The following STK10 variants were observed in gnomAD, a reference collection of about 807,000 sequenced individuals.
STK10 encodes serine/threonine-protein kinase 10.
A neutral mutation model predicts 113.8 loss-of-function variants in STK10; 78 were observed. The observed-to-expected ratio is 0.69, with a 90% CI of 0.57 to 0.83. STK10 has a LOEUF of 0.83. Among genes scored for constraint, STK10 ranks in the 40% least tolerant of loss-of-function variants. The pLI is 0.00. For synonymous variants in STK10, 465 were observed against 494.7 expected (o/e 0.94, Z 0.80); for missense variants, 1,109 against 1,280.1 (o/e 0.87, Z 2.04).
chr5:172,122,498 A>G (rs1769532236), intron 3 of STK10, among the ~76,000 whole-genome samples: 1 of 152,242 alleles, frequency 6.6e-6, no homozygotes, highest in South Asian at 2.1e-4. Flanking sequence ...ATTACACAGC[A>G]ATGCATGAAT....
intron 1 of STK10, among the ~76,000 whole-genome samples, chr5:172,167,652 C>CA (rs1770595342): frequency 6.6e-6 from 1 of 152,198 alleles, no homozygotes; most frequent in Admixed American, 6.5e-5. Context: ...ACATGAGCTG[C>CA]ACTGTCTGAT....
At chr5:172,140,189 C>T (rs1206642265) in intron 2 of STK10, among the ~76,000 whole-genome samples, 2 of 152,126 alleles carry the variant, frequency 1.3e-5, no homozygotes, top group African/African-American at 4.8e-5. Context: ...TAAAAAGATG[C>T]TCAACATCAC....
At position 172,098,936 on chromosome 5, in the gene STK10, TCAC is replaced by T. The variant is rs1302641036; in HGVS notation, c.871-2379_871-2377del. Among the ~76,000 whole-genome samples the T allele has an allele frequency of 1.7e-4, 26 of 149,848 alleles. No individual in the cohort carries two copies. The East Asian group carries it at 2.0e-3, about 11-fold the overall frequency. On this transcript the variant is annotated intron_variant, in intron 7 of 18. Transcript: ENST00000176763. ...ACCACCATCATTACCATTACCATCATCACCACCACCACCATCATCACCTTCACC... is the reference window on the plus strand; with the variant it reads ...ACCACCATCATTACCATTACCATCATCACCACCACCATCATCACCTTCACC...
rs1770338213 is a variant in STK10 at position 172,155,911 on chromosome 5, C to T, written c.321+713G>A. ...TCAGGAGGCTGAGGCAGGAGAATTGCTTGAAGCCGGGAGGCGGAGGGTGTA... is the reference window on the plus strand; with the variant it reads ...TCAGGAGGCTGAGGCAGGAGAATTGTTTGAAGCCGGGAGGCGGAGGGTGTA... On this transcript the variant is annotated intron_variant, in intron 2 of 18. Coordinates refer to ENST00000176763, the MANE Select transcript of STK10 (RefSeq NM_005990.4). 2.0e-5 allele frequency among the ~76,000 whole-genome samples: 3 copies of T among 151,996 alleles called. No homozygotes were observed. In the South Asian group the frequency reaches 6.2e-4, roughly 31 times the overall value.
chr5:172,045,468 T>C (rs1554114616), intron 18 of STK10: 2 of 453,930 alleles, frequency 4.4e-6, no homozygotes, highest in South Asian at 1.6e-5. Context: ...TGGGCGACGG[T>C]GCGAGACTCC....
At chr5:172,166,285 C>G (rs1275698507) in intron 1 of STK10, among the ~76,000 whole-genome samples, 1 of 152,168 alleles carries the variant, frequency 6.6e-6, no homozygotes, top group Non-Finnish European at 1.5e-5. Context: ...CTGTGGAACA[C>G]CTGGAGACAG....
intron 12 of STK10, among the ~76,000 whole-genome samples, chr5:172,081,330 G>A (rs1297270204): frequency 7.5e-6 from 1 of 132,576 alleles, no homozygotes; most frequent in African/African-American, 2.9e-5. Context: ...CAGCCTGGGT[G>A]ACAGACTGAG....
chr5:172,046,542 T>C (rs533272889), intron 18 of STK10, among the ~76,000 whole-genome samples: 3 of 152,166 alleles, frequency 2.0e-5, no homozygotes, highest in Non-Finnish European at 4.4e-5. Flanking sequence ...GTTTCACAAC[T>C]AGTAATGGAG....
intron 1 of STK10, among the ~76,000 whole-genome samples, chr5:172,164,353 T>C (rs1581187061): frequency 6.6e-6 from 1 of 151,928 alleles, no homozygotes; most frequent in Admixed American, 6.6e-5. Context: ...ATCCTGCCCC[T>C]AAGGGGGCCT....
At chr5:172,119,982 C>G (rs980191648) in intron 3 of STK10, among the ~76,000 whole-genome samples, 1 of 152,082 alleles carries the variant, frequency 6.6e-6, no homozygotes, top group Non-Finnish European at 1.5e-5. Context: ...CAGATAGGCA[C>G]CAAAGCAGAG....
Position 172,093,445 on chromosome 5 carries a change from C to G in STK10, c.1521G>C (p.Ser507=). 1 of 1,608,980 alleles carries G rather than the reference C, an allele frequency of 6.2e-7. No individual in the cohort carries two copies. The change falls in exon 9 of 19, where the codon TCG becomes TCC. Residue 507 remains serine, a synonymous_variant. Coordinates refer to ENST00000176763, the MANE Select transcript of STK10 (RefSeq NM_005990.4). The surrounding 1 kb of genome is among the most constrained non-coding windows in gnomAD (Gnocchi z 4.1). ...ACAGAGAGCCCATCTCTTTGTTCAG[C>G]GACAGGTCAGTGGAGAGATTGGTAC... The part of the protein sequence containing the change: ...DYGTNLSTDL[S]LNKEMGSLSI...
chr5:172,057,331 T>C lies in STK10; in HGVS notation c.2337+18A>G, dbSNP rs1248092115. On this transcript the variant is annotated intron_variant, in intron 15 of 18. Coordinates refer to ENST00000176763, the MANE Select transcript of STK10 (RefSeq NM_005990.4). ...GGCCCGGCAGCAGATCCGAGCCCCG[T>C]GCCACCGGCAGCCTCACCTTCTCAT... The C allele has an allele frequency of 1.9e-6, 3 of 1,578,876 alleles. No individual in the cohort carries two copies. Among genetic ancestry groups the C allele is most frequent in the Non-Finnish European group, 2.6e-6 (3 of 1,163,842 alleles).
chr5:172,099,126 TACC>T (rs1468324632), intron 7 of STK10, among the ~76,000 whole-genome samples: 2 of 149,066 alleles, frequency 1.3e-5, no homozygotes, highest in East Asian at 2.0e-4. Context: ...TCACCATCAT[TACC>T]ACCATCATCC....
chr5:172,127,445 G>A (rs1221497819), intron 2 of STK10, 24 bp from the exon 3 acceptor site: 3 of 1,612,740 alleles, frequency 1.9e-6, no homozygotes, highest in Admixed American at 1.7e-5. Context: ...AGGGCAAAGT[G>A]ACAATGAGTG....
At chr5:172,136,972 C>T (rs1159683486) in intron 2 of STK10, among the ~76,000 whole-genome samples, 2 of 152,000 alleles carry the variant, frequency 1.3e-5, no homozygotes, top group Admixed American at 6.6e-5. Flanking sequence ...CTATCCCTCC[C>T]CTAGCCCCCC....
In STK10 at chr5:172,093,815, C is replaced by G; in HGVS notation, c.1151G>C (p.Gly384Ala). The change falls in exon 9 of 19, where the codon GGG becomes GCG. Residue 384 changes from glycine to alanine, a missense_variant. Physicochemically the swap from Gly to Ala is moderately conservative, Grantham distance 60 (BLOSUM62 0). Around this residue, in one of 5 missense-constraint regions of STK10, gnomAD observed 885 missense variants for 991.1 expected, o/e 0.89. Transcript: ENST00000176763. This position sits in a 1 kb window ranked among gnomAD's most constrained non-coding sequence, Gnocchi z 4.1. The part of the protein sequence containing the change: ...SVNEPCSQPS[G>A]DRSLQTTSPP... ...ACTGGTGGTTTGGAGGGATCTGTCC[C>G]CAGAGGGCTGGCTGCAGGGCTCATT... 6.2e-7 allele frequency: 1 copy of G among 1,605,812 alleles called. No homozygotes were observed. Among genetic ancestry groups the G allele is most frequent in the African/African-American group, 1.3e-5 (1 of 74,926 alleles).
At position 172,054,608 on chromosome 5, in the gene STK10, C is replaced by T. The variant is rs763279035; in HGVS notation, c.2613G>A (p.Ala871=). ...KHENQMRDML[A]QCESNMSELQ... Reference sequence around the variant, plus strand: ...GCTCGCTCATGTTGCTCTCACACTGCGCCAGCATGTCCCGCATCTGGTTCT... The same window carrying T: ...GCTCGCTCATGTTGCTCTCACACTGTGCCAGCATGTCCCGCATCTGGTTCT... The change falls in exon 17 of 19, where the codon GCG becomes GCA. Residue 871 remains alanine, a synonymous_variant. Transcript: ENST00000176763. 3.1e-6 allele frequency: 5 copies of T among 1,609,958 alleles called. No individual in the cohort carries two copies. The highest frequency in any genetic ancestry group is 1.7e-4 in the Middle Eastern group (1 of 6,046).
chr5:172,047,019 C>T (rs1050113371), intron 18 of STK10, among the ~76,000 whole-genome samples: 8 of 152,228 alleles, frequency 5.3e-5, no homozygotes, highest in African/African-American at 1.7e-4. Flanking sequence ...ATATTCCGTA[C>T]TTACTCGAAA....
chr5:172,062,732 G>C (rs1250673385), intron 13 of STK10, among the ~76,000 whole-genome samples: 2 of 152,192 alleles, frequency 1.3e-5, no homozygotes, highest in Non-Finnish European at 2.9e-5. Context: ...AGTTACCAAG[G>C]GTTGGAGGAG....
Sources: gnomAD v4.1 joint callset for allele counts (sites outside exome capture counted in the v4.1 genomes callset) on GRCh38, gnomAD v4.1.1 for gene constraint, gnomAD v4.1.1 regional missense constraint, Gnocchi (gnomAD v3.1) non-coding constraint, MANE v1.5 for transcripts, NCBI Gene and HGNC (gene_info 2026-07-23, HGNC 2026-07-21) for gene names.